The following PDE3A variants were observed in gnomAD, a reference collection of about 807,000 sequenced individuals.
PDE3A encodes phosphodiesterase 3A, also known as cGMP-inhibited 3',5'-cyclic phosphodiesterase 3A.
Under a neutral mutation model 98.3 loss-of-function variants are expected in PDE3A, and 43 were observed. That is an observed-to-expected ratio of 0.44 (90% CI 0.34 to 0.56). The LOEUF (loss-of-function observed/expected upper bound fraction) is 0.56. PDE3A is among the 20% of genes least tolerant of loss of function. The pLI, the probability that PDE3A is intolerant of heterozygous loss-of-function variation, is 0.01. For missense variants in PDE3A, 1,427 were observed against 1,440.7 expected (o/e 0.99, Z 0.15); for synonymous variants, 663 against 567.9 (o/e 1.17, Z -2.38).
At chr12:20,544,469 G>C (rs1284037189) in intron 1 of PDE3A, among the ~76,000 whole-genome samples, 1 of 151,240 alleles carries the variant, frequency 6.6e-6, no homozygotes. Context: ...TTAGAGGGTG[G>C]AAAATGGATT....
At chr12:20,508,983 T>G (rs1443714398) in intron 1 of PDE3A, among the ~76,000 whole-genome samples, 1 of 152,084 alleles carries the variant, frequency 6.6e-6, no homozygotes, top group African/African-American at 2.4e-5. Context: ...AATTTGTTGA[T>G]GCATGTATTT....
At chr12:20,562,261 C>T (rs1188127273) in intron 2 of PDE3A, among the ~76,000 whole-genome samples, 2 of 147,598 alleles carry the variant, frequency 1.4e-5, no homozygotes, top group Non-Finnish European at 3.0e-5. Flanking sequence ...CGGCTCCGTG[C>T]CCAGGCTGGC....
At chr12:20,630,640 T>C (rs1944356831) in intron 6 of PDE3A, among the ~76,000 whole-genome samples, 1 of 152,208 alleles carries the variant, frequency 6.6e-6, no homozygotes, top group Admixed American at 6.5e-5. Flanking sequence ...TATGTGCTAT[T>C]CTATCATGTT....
At chr12:20,454,646 A>G (rs1018638903) in intron 1 of PDE3A, among the ~76,000 whole-genome samples, 1 of 151,794 alleles carries the variant, frequency 6.6e-6, no homozygotes, top group African/African-American at 2.4e-5. Flanking sequence ...CCTCCAATAG[A>G]CCCTAATGTG....
chr12:20,515,269 T>C (rs1427680913), intron 1 of PDE3A, among the ~76,000 whole-genome samples: 2 of 152,238 alleles, frequency 1.3e-5, no homozygotes, highest in African/African-American at 4.8e-5. Flanking sequence ...CTGCCTGGCA[T>C]ATAGTAGATA....
intron 1 of PDE3A, among the ~76,000 whole-genome samples, chr12:20,384,342 A>T (rs1262384724): frequency 3.3e-5 from 5 of 151,862 alleles, no homozygotes; most frequent in African/African-American, 1.2e-4. Context: ...TTAGTTTGTT[A>T]GGATACTATA....
intron 1 of PDE3A, among the ~76,000 whole-genome samples, chr12:20,451,010 CAGAA>C (rs1271280979): frequency 6.6e-6 from 1 of 152,170 alleles, no homozygotes; most frequent in Non-Finnish European, 1.5e-5. Flanking sequence ...CAGTTACCTG[CAGAA>C]AGTTGCTTGC....
At chr12:20,630,279 A>G (rs753274812) in intron 6 of PDE3A, 152 bp downstream of exon 6, 12 of 615,030 alleles carry the variant, frequency 2.0e-5, no homozygotes, top group Non-Finnish European at 2.9e-5. Context: ...TGAATAGGCT[A>G]CAATAAAAAC....
chr12:20,568,295 G>A (rs1472002353), intron 2 of PDE3A, among the ~76,000 whole-genome samples: 1 of 151,842 alleles, frequency 6.6e-6, no homozygotes, highest in African/African-American at 2.4e-5. Context: ...AGTGCTTTAT[G>A]GACATTATTA....
intron 3 of PDE3A, among the ~76,000 whole-genome samples, chr12:20,615,357 G>A (rs56978903): frequency 0.014 from 2,185 of 152,172 alleles, 41 homozygotes; most frequent in African/African-American, 0.05. Flanking sequence ...GGCCAGCAGC[G>A]TCTCCTATTA....
At chr12:20,446,475 C>T (rs924571937) in intron 1 of PDE3A, among the ~76,000 whole-genome samples, 3 of 152,140 alleles carry the variant, frequency 2.0e-5, no homozygotes, top group African/African-American at 7.2e-5. Context: ...GGTAATCTCA[C>T]GTTCAAGGAA....
chr12:20,548,729 A>G (rs1477317164), intron 1 of PDE3A, among the ~76,000 whole-genome samples: 1 of 152,138 alleles, frequency 6.6e-6, no homozygotes, highest in Non-Finnish European at 1.5e-5. Flanking sequence ...AAAATTCCAC[A>G]GTTTCTATTT....
intron 15 of PDE3A, among the ~76,000 whole-genome samples, chr12:20,675,779 G>C (rs1285737488): frequency 6.6e-6 from 1 of 152,014 alleles, no homozygotes; most frequent in African/African-American, 2.4e-5. Flanking sequence ...AGCTACTCTT[G>C]CTTTTTTGCT....
chr12:20,600,132 C>G (rs1432188318), intron 2 of PDE3A, among the ~76,000 whole-genome samples: 1 of 152,124 alleles, frequency 6.6e-6, no homozygotes, highest in Non-Finnish European at 1.5e-5. Flanking sequence ...CAGTATACTC[C>G]TTTCTCTTCA....
chr12:20,595,091 A>G (rs1026186413), intron 2 of PDE3A, among the ~76,000 whole-genome samples: 8 of 152,152 alleles, frequency 5.3e-5, no homozygotes, highest in Non-Finnish European at 8.8e-5. Flanking sequence ...ATTATTTCTC[A>G]TGAATAGAAG....
intron 1 of PDE3A, among the ~76,000 whole-genome samples, chr12:20,381,592 G>GT (rs1261383443): frequency 2.0e-5 from 3 of 151,848 alleles, no homozygotes; most frequent in African/African-American, 4.8e-5. Flanking sequence ...GATGGTCTGT[G>GT]TAAGAGGTCC....
chr12:20,436,692 A>G (rs1944784068), intron 1 of PDE3A, among the ~76,000 whole-genome samples: 1 of 152,222 alleles, frequency 6.6e-6, no homozygotes, highest in South Asian at 2.1e-4. Context: ...GGAAATGTAC[A>G]TTCTCAAGAG....
rs561328736 is a variant in PDE3A at position 20,583,897 on chromosome 12, G to C, written c.1011+27187G>C. ...AATTCTATTATAGAACAGGAAAGCT[G>C]TTCCATTTCTATGAAAACTGGGAAG... is the stretch of plus-strand genomic sequence containing the variant. On this transcript the variant is annotated intron_variant, in intron 2 of 15. Transcript: ENST00000359062. 2.6e-5 allele frequency among the ~76,000 whole-genome samples: 4 copies of C among 152,276 alleles called. No homozygotes were observed. In the South Asian group the frequency reaches 8.3e-4, roughly 32 times the overall value.
chr12:20,513,649 A>AT (rs1181039420), intron 1 of PDE3A, among the ~76,000 whole-genome samples: 2 of 152,060 alleles, frequency 1.3e-5, no homozygotes, highest in Non-Finnish European at 1.5e-5. Flanking sequence ...AGATTTTCAG[A>AT]TTTTTTTATG....
Sources: gnomAD v4.1 joint callset for allele counts (sites outside exome capture counted in the v4.1 genomes callset) on GRCh38, gnomAD v4.1.1 for gene constraint, MANE v1.5 for transcripts, NCBI Gene and HGNC (gene_info 2026-07-23, HGNC 2026-07-21) for gene names.